Variants in GNB1 observed in about 807,000 individuals in gnomAD.
The protein encoded by GNB1 is G protein subunit beta 1, also known as guanine nucleotide-binding protein G(I)/G(S)/G(T) subunit beta-1.
GNB1 carries 2 observed loss-of-function variants against 42.9 expected under a neutral mutation model. The ratio of observed to expected loss-of-function variants is 0.05; its 90% CI spans 0.02 to 0.15. GNB1 has a LOEUF of 0.15. GNB1 is among the 10% of genes least tolerant of loss of function. The probability of loss-of-function intolerance (pLI) is 1.00; values close to 1 mark genes in which losing one functional copy is unlikely to be tolerated. For missense variants in GNB1, 193 were observed against 462.2 expected, an observed-to-expected ratio of 0.42 and a Z score of 5.34; for synonymous variants, 183 against 174.7, an observed-to-expected ratio of 1.05 and a Z score of -0.38.
chr1:1,875,710 A>G (rs1649503426), intron 1 of GNB1, among the ~76,000 whole-genome samples: 1 of 151,992 alleles, frequency 6.6e-6, no homozygotes, highest in African/African-American at 2.4e-5. Context: ...AGTTTCTTCA[A>G]CCTCCAACAG....
At chr1:1,861,178 T>A (rs1400022674) in intron 1 of GNB1, among the ~76,000 whole-genome samples, 1 of 150,628 alleles carries the variant, frequency 6.6e-6, no homozygotes, top group East Asian at 2.0e-4. Context: ...CCAGCACAGC[T>A]GCGCACAGTG....
At chr1:1,836,110 C>CA (rs1040683868) in intron 2 of GNB1, among the ~76,000 whole-genome samples, 5 of 151,144 alleles carry the variant, frequency 3.3e-5, no homozygotes, top group African/African-American at 7.3e-5. Flanking sequence ...AAAACAAACT[C>CA]AAAAAACAAA....
At chr1:1,866,917 G>A (rs946264123) in intron 1 of GNB1, among the ~76,000 whole-genome samples, 7 of 151,194 alleles carry the variant, frequency 4.6e-5, no homozygotes, top group African/African-American at 1.5e-4. Context: ...TCGCGCCACT[G>A]CACTCCAACC....
At chr1:1,824,624 G>A (rs980593198) in intron 3 of GNB1, among the ~76,000 whole-genome samples, 20 of 151,866 alleles carry the variant, frequency 1.3e-4, no homozygotes, top group African/African-American at 4.8e-4. Context: ...CCAGGTTGGA[G>A]TGCAGTGGCA....
intron 2 of GNB1, among the ~76,000 whole-genome samples, chr1:1,827,299 G>A (rs372289384): frequency 1.2e-4 from 18 of 152,210 alleles, no homozygotes; most frequent in Non-Finnish European, 2.5e-4. Context: ...ACACGAGCAC[G>A]CAGACCAGGC....
chr1:1,886,868 G>A (rs1650185481), intron 1 of GNB1, among the ~76,000 whole-genome samples: 1 of 152,064 alleles, frequency 6.6e-6, no homozygotes, highest in South Asian at 2.1e-4. Context: ...ACCACGCCCA[G>A]CTAATTTTTT....
At chr1:1,843,276 G>C (rs1384714383) in intron 1 of GNB1, among the ~76,000 whole-genome samples, 3 of 152,186 alleles carry the variant, frequency 2.0e-5, no homozygotes, top group African/African-American at 7.2e-5. Context: ...CTGGAGTACA[G>C]TGGCACAATC....
In GNB1 at chr1:1,785,860, T is replaced by C. The variant is rs752507421; in HGVS notation, c.*1203A>G. 2.2e-4 allele frequency: 88 copies of C among 395,482 alleles called. No individual in the cohort carries two copies. The highest frequency in any genetic ancestry group is 3.7e-4 in the Non-Finnish European group (83 of 224,282). The allele number at this position is 395,482 out of a possible 1,614,324, so 24.5% of individuals were successfully genotyped here. On this transcript the variant is annotated 3_prime_UTR_variant, in exon 12 of 12. Coordinates refer to ENST00000378609, the MANE Select transcript of GNB1 (RefSeq NM_002074.5). ...TGACTTATCCCGCTACCCAAGCGTG[T>C]AGAGCCGCGCGCTGTACTGCTTCCG... is the stretch of plus-strand genomic sequence containing the variant.
At chr1:1,885,650 G>A (rs1167369564) in intron 1 of GNB1, among the ~76,000 whole-genome samples, 4 of 143,440 alleles carry the variant, frequency 2.8e-5, no homozygotes, top group African/African-American at 1.1e-4. Context: ...TCCGCCTCCC[G>A]GGTTCACGCC....
At chr1:1,875,845 C>A (rs968460258) in intron 1 of GNB1, among the ~76,000 whole-genome samples, 23 of 151,838 alleles carry the variant, frequency 1.5e-4, no homozygotes, top group Admixed American at 2.6e-4. Context: ...TGTCCCCCCC[C>A]CCAAAATTCA....
chr1:1,840,478 A>C (rs1379791060), intron 1 of GNB1, among the ~76,000 whole-genome samples: 2 of 152,254 alleles, frequency 1.3e-5, no homozygotes, highest in Admixed American at 1.3e-4. Context: ...CAGTGAGCCG[A>C]GATCGTGCCG....
chr1:1,874,289 C>T (rs1649408480), intron 1 of GNB1, among the ~76,000 whole-genome samples: 1 of 152,094 alleles, frequency 6.6e-6, no homozygotes, highest in African/African-American at 2.4e-5. Context: ...GTCAACATGG[C>T]AAAACCCTGT....
chr1:1,884,795 G>C (rs1046998905), intron 1 of GNB1, among the ~76,000 whole-genome samples: 10 of 151,450 alleles, frequency 6.6e-5, no homozygotes, highest in Admixed American at 1.3e-4. Flanking sequence ...CCATTCTCCT[G>C]CCTCAGCCTC....
rs1646907546 is a variant in GNB1, at chr1:1,819,821, G to A, written c.58-1946C>T. Among the ~76,000 whole-genome samples the A allele has an allele frequency of 1.3e-5, 2 of 152,050 alleles. 1 individual carries two copies. The highest frequency in any genetic ancestry group is 4.2e-4 in the South Asian group (2 of 4,816). ...GCCTCCCAAAGTGTTGGGATTATAG[G>A]GGAGAGTTACCATGCCCAGCTGACA... is the stretch of plus-strand genomic sequence containing the variant. On this transcript the variant is annotated intron_variant, in intron 3 of 11. Transcript: ENST00000378609.
chr1:1,866,575 T>A (rs544062033), intron 1 of GNB1, among the ~76,000 whole-genome samples: 1 of 151,542 alleles, frequency 6.6e-6, no homozygotes, highest in African/African-American at 2.4e-5. Flanking sequence ...CTGGGCCACA[T>A]TGGAGAATTC....
At chr1:1,800,267 C>A (rs1646605971) in intron 7 of GNB1, among the ~76,000 whole-genome samples, 1 of 152,188 alleles carries the variant, frequency 6.6e-6, no homozygotes, top group South Asian at 2.1e-4. Context: ...ATTAAACTCT[C>A]CTTGTGGATG....
chr1:1,815,688 T>G, intron 5 of GNB1, 68 bp downstream of exon 5: 2 of 861,028 alleles, frequency 2.3e-6, no homozygotes, highest in South Asian at 2.8e-5. Context: ...GTTCAGGTAC[T>G]TTTCCCCTAG....
At chr1:1,814,509 A>T (rs1646823864) in intron 5 of GNB1, among the ~76,000 whole-genome samples, 2 of 152,144 alleles carry the variant, frequency 1.3e-5, no homozygotes, top group Admixed American at 1.3e-4. Flanking sequence ...AAAGTACAAG[A>T]AATAGGCTAG....
At chr1:1,803,747 G>T (rs1646657140) in intron 7 of GNB1, among the ~76,000 whole-genome samples, 1 of 152,158 alleles carries the variant, frequency 6.6e-6, no homozygotes, top group East Asian at 1.9e-4. Context: ...ACTTTGGGAG[G>T]CTAAGGCAGG....
Sources: gnomAD v4.1 joint callset for allele counts (sites outside exome capture counted in the v4.1 genomes callset) on GRCh38, gnomAD v4.1.1 for gene constraint, MANE v1.5 for transcripts, NCBI Gene and HGNC (gene_info 2026-07-23, HGNC 2026-07-21) for gene names.